LHFPL3: variants seen among roughly 807,000 people sequenced by gnomAD.
LHFPL3 encodes the protein LHFPL tetraspan subfamily member 3, also known as LHFPL tetraspan subfamily member 3 protein.
In LHFPL3, 5 loss-of-function variants were observed where a neutral mutation model predicts 19.3. The ratio of observed to expected loss-of-function variants is 0.26; its 90% CI spans 0.14 to 0.54. The LOEUF is 0.54. Ranked by LOEUF, LHFPL3 falls within the 20% of genes least tolerant of loss-of-function variation. The pLI, the probability that LHFPL3 is intolerant of heterozygous loss-of-function variation, is 0.94. For synonymous variants in LHFPL3, 133 were observed against 126.2 expected (o/e 1.05, Z -0.36); for missense variants, 249 against 307.4 (o/e 0.81, Z 1.42).
At chr7:104,439,807 C>T (rs1792181342) in intron 1 of LHFPL3, among the ~76,000 whole-genome samples, 1 of 151,872 alleles carries the variant, frequency 6.6e-6, no homozygotes. Flanking sequence ...CTACTTTTAC[C>T]ATTTTTATTC....
chr7:104,587,439 G>A (rs552164720), intron 1 of LHFPL3, among the ~76,000 whole-genome samples: 1 of 152,248 alleles, frequency 6.6e-6, no homozygotes, highest in East Asian at 1.9e-4. Context: ...TCCCTACAAA[G>A]GACATGAACT....
rs143403728 is a variant in LHFPL3, at chr7:104,852,160, T to G, written c.683-54027T>G. Among the ~76,000 whole-genome samples, 603 of 152,286 alleles carry G rather than the reference T, an allele frequency of 4.0e-3. 4 individuals are homozygous for G. The highest frequency in any genetic ancestry group is 0.014 in the African/African-American group (576 of 41,566). ...ACCAGCATTAACTGCTGAAGCCATG[T>G]GCATCCTACCAGTCAGGGAATGCCA... is the stretch of plus-strand genomic sequence containing the variant. On this transcript the variant is annotated intron_variant, in intron 2 of 2. Coordinates refer to ENST00000424859, the MANE Select transcript of LHFPL3 (RefSeq NM_199000.3).
chr7:104,430,405 C>CACATGTATAT lies in LHFPL3; in HGVS notation c.445+101182_445+101183insCATGTATATA, dbSNP rs1791953828. On this transcript the variant is annotated intron_variant, in intron 1 of 2. Coordinates refer to ENST00000424859, the MANE Select transcript of LHFPL3 (RefSeq NM_199000.3). ...ATACATATATATATATATATATATA[C>CACATGTATAT]ATATATATATATACATATATATATA... 3.7e-3 allele frequency among the ~76,000 whole-genome samples: 82 copies of CACATGTATAT among 22,436 alleles called. 5 individuals carry two copies. Among genetic ancestry groups the CACATGTATAT allele is most frequent in the African/African-American group, 0.015 (79 of 5,196 alleles). 14.7% of individuals were successfully genotyped at this position (22,436 alleles called of 152,430 possible). A position where few individuals can be genotyped will look rare whatever the true frequency, so the allele number is the denominator to read the frequency against.
At chr7:104,673,375 T>C (rs1388770270) in intron 1 of LHFPL3, among the ~76,000 whole-genome samples, 2 of 152,386 alleles carry the variant, frequency 1.3e-5, no homozygotes, top group Non-Finnish European at 2.9e-5. Flanking sequence ...TGTTCTCGTC[T>C]AACACTTTTT....
chr7:104,729,204 T>C (rs374486387), intron 1 of LHFPL3, among the ~76,000 whole-genome samples: 38 of 152,174 alleles, frequency 2.5e-4, no homozygotes, highest in African/African-American at 9.2e-4. Context: ...ATGCATTGCA[T>C]GTGGTAAGCA....
chr7:104,465,225 A>G (rs1792754998), intron 1 of LHFPL3, among the ~76,000 whole-genome samples: 1 of 151,824 alleles, frequency 6.6e-6, no homozygotes, highest in Admixed American at 6.6e-5. Context: ...TGTCCATATC[A>G]CCATATGGAC....
intron 1 of LHFPL3, among the ~76,000 whole-genome samples, chr7:104,562,836 A>C (rs529158336): frequency 0.037 from 5,478 of 150,026 alleles, 242 homozygotes; most frequent in African/African-American, 0.13. Flanking sequence ...GTCTTTGATG[A>C]TGGTGATGTA....
At chr7:104,545,485 A>G (rs1418109104) in intron 1 of LHFPL3, among the ~76,000 whole-genome samples, 2 of 152,152 alleles carry the variant, frequency 1.3e-5, no homozygotes, top group East Asian at 1.9e-4. Context: ...GAATTACAGT[A>G]TAAAGAAGGG....
At chr7:104,403,534 T>C (rs556372551) in intron 1 of LHFPL3, among the ~76,000 whole-genome samples, 5 of 152,364 alleles carry the variant, frequency 3.3e-5, no homozygotes, top group African/African-American at 9.6e-5. Flanking sequence ...GCCATTCAAC[T>C]CTTCTCCTCT....
chr7:104,655,976 T>C (rs1792114071), intron 1 of LHFPL3, among the ~76,000 whole-genome samples: 1 of 152,256 alleles, frequency 6.6e-6, no homozygotes, highest in African/African-American at 2.4e-5. Flanking sequence ...AGGGCTTTTC[T>C]TTACCAGGCA....
At chr7:104,574,321 G>A (rs930562642) in intron 1 of LHFPL3, among the ~76,000 whole-genome samples, 1 of 152,152 alleles carries the variant, frequency 6.6e-6, no homozygotes, top group African/African-American at 2.4e-5. Context: ...CTACGAAGGG[G>A]GCAGGGACAG....
At chr7:104,573,505 T>G (rs1336077169) in intron 1 of LHFPL3, among the ~76,000 whole-genome samples, 2 of 152,078 alleles carry the variant, frequency 1.3e-5, no homozygotes, top group African/African-American at 4.8e-5. Flanking sequence ...GGAATGAACT[T>G]AGGAAACTTG....
intron 1 of LHFPL3, among the ~76,000 whole-genome samples, chr7:104,489,582 G>T (rs183758780): frequency 5.7e-4 from 86 of 151,372 alleles, no homozygotes; most frequent in Admixed American, 1.1e-3. Context: ...ACCAGAAAGG[G>T]AACACAAGGT....
At chr7:104,494,711 G>C (rs1183301877) in intron 1 of LHFPL3, among the ~76,000 whole-genome samples, 5 of 152,026 alleles carry the variant, frequency 3.3e-5, no homozygotes. Context: ...TCCCTTCCTT[G>C]CTTGCACCCT....
chr7:104,535,298 C>T (rs1401673249), intron 1 of LHFPL3, among the ~76,000 whole-genome samples: 1 of 152,218 alleles, frequency 6.6e-6, no homozygotes, highest in African/African-American at 2.4e-5. Context: ...AATGATACTT[C>T]TGTCAGGCAG....
chr7:104,599,204 G>A (rs1357637700), intron 1 of LHFPL3, among the ~76,000 whole-genome samples: 2 of 151,878 alleles, frequency 1.3e-5, no homozygotes, highest in Non-Finnish European at 2.9e-5. Context: ...AATCAATGAG[G>A]GTTATTCCTA....
chr7:104,440,644 G>C (rs1792207347), intron 1 of LHFPL3, among the ~76,000 whole-genome samples: 1 of 151,980 alleles, frequency 6.6e-6, no homozygotes, highest in South Asian at 2.1e-4. Context: ...ATAGTATTAG[G>C]TTAGCCATAT....
chr7:104,707,513 A>G (rs552708972), intron 1 of LHFPL3, among the ~76,000 whole-genome samples: 4 of 152,284 alleles, frequency 2.6e-5, no homozygotes, highest in Admixed American at 2.6e-4. Flanking sequence ...CTTCAACTGG[A>G]ACCTCAAGGA....
chr7:104,664,398 A>G (rs935206577), intron 1 of LHFPL3, among the ~76,000 whole-genome samples: 1 of 152,210 alleles, frequency 6.6e-6, no homozygotes, highest in East Asian at 1.9e-4. Context: ...AGATGTCTCA[A>G]ATACAGCAGA....
Sources: allele counts gnomAD v4.1 joint callset (sites outside exome capture counted in the v4.1 genomes callset), GRCh38; gene constraint gnomAD v4.1.1; transcripts MANE v1.5; gene names NCBI Gene and HGNC (gene_info 2026-07-23, HGNC 2026-07-21).